KAZN: variants seen among roughly 807,000 people sequenced by gnomAD.
KAZN encodes the protein kazrin, periplakin interacting protein.
A neutral mutation model predicts 87.4 loss-of-function variants in KAZN; 40 were observed. The ratio of observed to expected loss-of-function variants is 0.46; its 90% CI spans 0.36 to 0.60. KAZN has a LOEUF of 0.60. Among genes scored for constraint, KAZN ranks in the 20% least tolerant of loss-of-function variants. The probability of loss-of-function intolerance (pLI) is 0.00; values close to 1 mark genes in which losing one functional copy is unlikely to be tolerated. For missense variants in KAZN, 898 were observed against 1,073.9 expected (o/e 0.84, Z 2.29); for synonymous variants, 466 against 458.3 (o/e 1.02, Z -0.22).
intron 2 of KAZN, among the ~76,000 whole-genome samples, chr1:14,354,292 C>A (rs1204094801): frequency 6.6e-6 from 1 of 151,766 alleles, no homozygotes; most frequent in South Asian, 2.1e-4. Flanking sequence ...AGAGAGGATG[C>A]AGAAGGATGA....
chr1:14,107,855 G>T (rs1032996540), intron 1 of KAZN, among the ~76,000 whole-genome samples: 1 of 152,136 alleles, frequency 6.6e-6, no homozygotes, highest in African/African-American at 2.4e-5. Context: ...ATGCAGCCTT[G>T]TCACCTGACT....
chr1:15,112,446 G>T lies in KAZN; in HGVS notation c.2068G>T (p.Ala690Ser). The change falls in exon 14 of 15, where the codon GCT (alanine) becomes TCT (serine). Residue 690 changes from alanine (A) to serine (S), a missense_variant. Physicochemically the swap from Ala to Ser is moderately conservative, Grantham distance 99 (BLOSUM62 1). This residue lies in a region of KAZN where 127 missense variants were observed against 121.5 expected (regional missense o/e 1.04). Coordinates refer to ENST00000376030, the MANE Select transcript of KAZN (RefSeq NM_201628.3). ...HPANSTGIRE[A>S]ERFGTPPGRA... ...CTTCAGCTCCACAGGCATCCGGGAG[G>T]CTGAGCGTTTTGGAACGCCCCCTGG... The T allele has an allele frequency of 6.2e-7, 1 of 1,602,514 alleles. No homozygotes were observed. The highest frequency in any genetic ancestry group is 8.5e-7 in the Non-Finnish European group (1 of 1,175,108).
intron 1 of KAZN, among the ~76,000 whole-genome samples, chr1:14,702,076 G>T (rs1385320261): frequency 6.6e-6 from 1 of 152,208 alleles, no homozygotes; most frequent in Non-Finnish European, 1.5e-5. Context: ...ACATGGGTCT[G>T]CTTTCTGGTT....
intron 2 of KAZN, among the ~76,000 whole-genome samples, chr1:14,457,201 C>A (rs951798633): frequency 3.7e-4 from 56 of 152,210 alleles, no homozygotes; most frequent in African/African-American, 1.4e-3. Context: ...CCACCAAACT[C>A]GGCATTATCC....
At chr1:14,367,499 G>C (rs1660110611) in intron 2 of KAZN, among the ~76,000 whole-genome samples, 2 of 152,150 alleles carry the variant, frequency 1.3e-5, no homozygotes, top group African/African-American at 4.8e-5. Flanking sequence ...TTTTGGAAAA[G>C]GCAACATTTG....
intron 2 of KAZN, among the ~76,000 whole-genome samples, chr1:14,316,415 T>C (rs1655662211): frequency 6.6e-6 from 1 of 152,032 alleles, no homozygotes; most frequent in Admixed American, 6.6e-5. Flanking sequence ...ATGTCTCAAA[T>C]TTCATTCCTA....
At chr1:15,069,862 G>A (rs1216418501) in intron 8 of KAZN, among the ~76,000 whole-genome samples, 1 of 152,180 alleles carries the variant, frequency 6.6e-6, no homozygotes, top group East Asian at 1.9e-4. Flanking sequence ...GCCCGTCTGT[G>A]TGCTCCTCCT....
In KAZN at chr1:14,184,303, A is replaced by G. The variant is rs1646259817; in HGVS notation, c.249+3711A>G. 1.3e-5 allele frequency among the ~76,000 whole-genome samples: 2 copies of G among 150,084 alleles called. No homozygotes were observed. The highest frequency in any genetic ancestry group is 3.0e-5 in the Non-Finnish European group (2 of 67,646). On this transcript the variant is annotated intron_variant, in intron 2 of 16. Transcript: ENST00000636203. This position sits in a 1 kb window ranked among gnomAD's most constrained non-coding sequence, Gnocchi z 4.2. Reference sequence around the variant, plus strand: ...CCTATTTTCTCCTTCTCTCAAATCTATTCCCCTCCTCCCTCCCTCGCCTTC... The same window carrying G: ...CCTATTTTCTCCTTCTCTCAAATCTGTTCCCCTCCTCCCTCCCTCGCCTTC...
At chr1:14,943,358 C>G (rs1661372529) in intron 1 of KAZN, among the ~76,000 whole-genome samples, 1 of 151,980 alleles carries the variant, frequency 6.6e-6, no homozygotes, top group South Asian at 2.1e-4. Flanking sequence ...AGCAGTCACC[C>G]CCCGCCAGCT....
intron 1 of KAZN, among the ~76,000 whole-genome samples, chr1:13,908,099 C>G (rs1156467228): frequency 6.6e-6 from 1 of 152,222 alleles, no homozygotes; most frequent in African/African-American, 2.4e-5. Context: ...GTGCCAGCCA[C>G]ATTGTGGCAG....
chr1:14,417,767 C>T (rs35681973), intron 2 of KAZN, among the ~76,000 whole-genome samples: 2,383 of 151,994 alleles, frequency 0.016, 37 homozygotes, highest in Non-Finnish European at 0.024. Context: ...GAGGCCAAAG[C>T]AGGCAGATTC....
intron 2 of KAZN, among the ~76,000 whole-genome samples, chr1:14,236,290 G>T (rs1648413369): frequency 6.6e-6 from 1 of 152,124 alleles, no homozygotes; most frequent in South Asian, 2.1e-4. Context: ...TTTCAGGGTT[G>T]GGATTAAAGG....
At chr1:14,629,756 A>C (rs1679424948) in intron 1 of KAZN, among the ~76,000 whole-genome samples, 1 of 152,180 alleles carries the variant, frequency 6.6e-6, no homozygotes, top group African/African-American at 2.4e-5. Flanking sequence ...GCACTGAAGA[A>C]GGGTGTGGTG....
intron 1 of KAZN, among the ~76,000 whole-genome samples, chr1:14,770,830 A>T (rs901025830): frequency 1.3e-5 from 2 of 152,200 alleles, no homozygotes; most frequent in African/African-American, 4.8e-5. Context: ...TTGTTCAGAG[A>T]TTACTAAATG....
At chr1:14,931,325 T>C (rs1557633069) in intron 1 of KAZN, among the ~76,000 whole-genome samples, 1 of 151,678 alleles carries the variant, frequency 6.6e-6, no homozygotes, top group Non-Finnish European at 1.5e-5. Flanking sequence ...ATGCCTGTAG[T>C]CCCAGCTACT....
chr1:15,019,627 A>G (rs2089999), intron 2 of KAZN, among the ~76,000 whole-genome samples: 142,355 of 152,142 alleles, frequency 0.94, 66,642 homozygotes, highest in East Asian at 1. Flanking sequence ...GACCTCAAGT[A>G]ATCCACCTGC....
At chr1:14,551,777 T>C (rs1306311562) in intron 2 of KAZN, among the ~76,000 whole-genome samples, 1 of 152,126 alleles carries the variant, frequency 6.6e-6, no homozygotes, top group African/African-American at 2.4e-5. Flanking sequence ...ACTAGTGATG[T>C]TGAACCACAG....
chr1:14,638,724 G>A (rs944835005), intron 1 of KAZN, among the ~76,000 whole-genome samples: 1 of 152,126 alleles, frequency 6.6e-6, no homozygotes, highest in Middle Eastern at 3.4e-3. Flanking sequence ...CCGCTAGAAC[G>A]GGTCTTGCCT....
chr1:14,927,551 T>C (rs1192821913), intron 1 of KAZN, among the ~76,000 whole-genome samples: 1 of 152,090 alleles, frequency 6.6e-6, no homozygotes, highest in Non-Finnish European at 1.5e-5. Flanking sequence ...AAGTGAGGTG[T>C]GTGGGTGCTG....
Sources: gnomAD v4.1 joint callset for allele counts (sites outside exome capture counted in the v4.1 genomes callset) on GRCh38, gnomAD v4.1.1 for gene constraint, gnomAD v4.1.1 regional missense constraint, Gnocchi (gnomAD v3.1) non-coding constraint, MANE v1.5 for transcripts, NCBI Gene and HGNC (gene_info 2026-07-23, HGNC 2026-07-21) for gene names.